Variants in ZSWIM9 observed in about 807,000 individuals in gnomAD.
The protein encoded by ZSWIM9 is zinc finger SWIM-type containing 9.
Under a neutral mutation model 25.0 loss-of-function variants are expected in ZSWIM9, and 11 were observed. The ratio of observed to expected loss-of-function variants is 0.44; its 90% CI spans 0.28 to 0.73. ZSWIM9 has a LOEUF of 0.73. Among genes scored for constraint, ZSWIM9 ranks in the 30% least tolerant of loss-of-function variants. The pLI is 0.16. For missense variants in ZSWIM9, 1,070 were observed against 1,296.5 expected, an observed-to-expected ratio of 0.83 and a Z score of 2.68; for synonymous variants, 562 against 582.1, an observed-to-expected ratio of 0.97 and a Z score of 0.50.
rs2037093844 is a variant in ZSWIM9, at chr19:48,191,456, C to T, written c.589-3197C>T. Among the ~76,000 whole-genome samples the T allele has an allele frequency of 2.0e-5, 3 of 152,176 alleles. No individual in the cohort carries two copies. The South Asian group carries it at 6.2e-4, about 32-fold the overall frequency. ...CTGACCTCAGGTGATCCACCTGCCT[C>T]GGCTTCCCAAAGTGCTGGGATTACA... On this transcript the variant is annotated intron_variant, in intron 3 of 3. Transcript: ENST00000614654.
At chr19:48,192,480 A>AATATATAT (rs1555787871) in intron 3 of ZSWIM9, among the ~76,000 whole-genome samples, 12 of 17,376 alleles carry the variant, frequency 6.9e-4, no homozygotes, top group African/African-American at 1.7e-3. Flanking sequence ...AAAAAAAAAA[A>AATATATAT]ATATATATAT....
chr19:48,182,453 AG>A lies in ZSWIM9; in HGVS notation c.276del. The A allele has an allele frequency of 1.3e-6, 2 of 1,530,236 alleles. No individual in the cohort carries two copies. The highest frequency in any genetic ancestry group is 1.7e-6 in the Non-Finnish European group (2 of 1,143,352). 94.8% of individuals were successfully genotyped at this position (1,530,236 alleles called of 1,614,324 possible). A position where few individuals can be genotyped will look rare whatever the true frequency, so the allele number is the denominator to read the frequency against. On this transcript the variant is annotated splice_acceptor_variant, in intron 2 of 3. Coordinates refer to ENST00000614654, the MANE Select transcript of ZSWIM9 (RefSeq NM_199341.4). LOFTEE classifies it high-confidence loss of function. The surrounding 1 kb of genome is among the most constrained non-coding windows in gnomAD (Gnocchi z 4.6). Reference sequence around the variant, plus strand: ...CCAGGGCGGTGGTGGTTCCTCCCACAGGCCTCCCCAGCCCGGCTGCCCCGCC... The same window carrying A: ...CCAGGGCGGTGGTGGTTCCTCCCACAGCCTCCCCAGCCCGGCTGCCCCGCC...
Position 48,188,200 on chromosome 19 carries a change from C to T in ZSWIM9, c.588+5433C>T, listed in dbSNP as rs556730607. ...ATGATTTAAGGGCAAGACTGGGGGG[C>T]GACTTCACCCAGGGAGGTGTTAATA... On this transcript the variant is annotated intron_variant, in intron 3 of 3. Coordinates refer to ENST00000614654, the MANE Select transcript of ZSWIM9 (RefSeq NM_199341.4). 5.3e-5 allele frequency among the ~76,000 whole-genome samples: 8 copies of T among 151,630 alleles called. No individual in the cohort carries two copies. In the South Asian group the frequency reaches 1.3e-3, roughly 24 times the overall value.
intron 3 of ZSWIM9, among the ~76,000 whole-genome samples, chr19:48,191,086 A>ATGTGTGTGTGTGTG (rs1409972670): frequency 1.4e-5 from 2 of 142,548 alleles, no homozygotes; most frequent in South Asian, 2.2e-4. Context: ...TGCAGTGTGT[A>ATGTGTGTGTGTGTG]TGTGTATGTG....
In ZSWIM9 at chr19:48,194,384, C is replaced by T. The variant is rs62131030; in HGVS notation, c.589-269C>T. Among the ~76,000 whole-genome samples, 3,531 of 152,302 alleles carry T rather than the reference C, an allele frequency of 0.023. 52 individuals are homozygous for T. Among genetic ancestry groups the T allele is most frequent in the Non-Finnish European group, 0.035 (2,381 of 68,032 alleles). ...CAGCTTCCGGCGGAGGAAACTGAGG[C>T]TCAGAGAAGCTAAAAGTGTCATGTG... On this transcript the variant is annotated intron_variant, in intron 3 of 3. Transcript: ENST00000614654. The surrounding 1 kb of genome is among the most constrained non-coding windows in gnomAD (Gnocchi z 6.0).
chr19:48,184,991 TGCA>T (rs1249721579), intron 3 of ZSWIM9, among the ~76,000 whole-genome samples: 2 of 152,188 alleles, frequency 1.3e-5, no homozygotes, highest in African/African-American at 4.8e-5. Context: ...ACCCACCCTC[TGCA>T]GGATTGTCCC....
rs918959659 is a variant in ZSWIM9 at position 48,197,447 on chromosome 19, G to A, written c.*620G>A. ...AAATGTGTGGGAGACGGGTAGAGAC[G>A]AAATGCAAGGGGCGTGGTTTTGGTT... On this transcript the variant is annotated 3_prime_UTR_variant, in exon 4 of 4. Transcript: ENST00000614654. The A allele has an allele frequency of 1.7e-6, 1 of 601,482 alleles. No homozygotes were observed. The highest frequency in any genetic ancestry group is 2.0e-5 in the South Asian group (1 of 50,420). The allele number at this position is 601,482 out of a possible 1,614,324, so 37.3% of individuals were successfully genotyped here.
Position 48,197,571 on chromosome 19 carries a change from T to G in ZSWIM9, c.*744T>G, listed in dbSNP as rs1435214697. 1 of 420,254 alleles carries G rather than the reference T, an allele frequency of 2.4e-6. No homozygotes were observed. The highest frequency in any genetic ancestry group is 4.3e-6 in the Non-Finnish European group (1 of 231,316). 26.0% of individuals were successfully genotyped at this position (420,254 alleles called of 1,614,324 possible). A position where few individuals can be genotyped will look rare whatever the true frequency, so the allele number is the denominator to read the frequency against. ...GAGAGTCTCCAGCAGGGGAGGGGAA[T>G]TGTTTGGACTATTGTTCTTCAGGAT... On this transcript the variant is annotated 3_prime_UTR_variant, in exon 4 of 4. Coordinates refer to ENST00000614654, the MANE Select transcript of ZSWIM9 (RefSeq NM_199341.4).
chr19:48,194,675 A>G lies in ZSWIM9; in HGVS notation c.611A>G (p.Asp204Gly). 6.6e-7 allele frequency: 1 copy of G among 1,511,244 alleles called. No individual in the cohort carries two copies. The highest frequency in any genetic ancestry group is 2.5e-5 in the East Asian group (1 of 39,930). 93.6% of individuals were successfully genotyped at this position (1,511,244 alleles called of 1,614,324 possible). A position where few individuals can be genotyped will look rare whatever the true frequency, so the allele number is the denominator to read the frequency against. The change falls in exon 4 of 4, where the codon GAC becomes GGC. Residue 204 changes from aspartate (D) to glycine (G), a missense_variant. Around this residue, in one of 4 missense-constraint regions of ZSWIM9, gnomAD observed 265 missense variants for 339.0 expected, o/e 0.78. Coordinates refer to ENST00000614654, the MANE Select transcript of ZSWIM9 (RefSeq NM_199341.4). The surrounding 1 kb of genome is among the most constrained non-coding windows in gnomAD (Gnocchi z 6.0). ...EAKVKLVFVEDQAVVETVFFL... is the reference protein window; with the variant it reads ...EAKVKLVFVEGQAVVETVFFL... ...CAGGTGAAGCTGGTGTTCGTGGAGG[A>G]CCAGGCTGTGGTGGAGACGGTGTTC...
At chr19:48,171,249 C>T in intron 1 of ZSWIM9, 1 of 985,358 alleles carries the variant, frequency 1.0e-6, no homozygotes, top group Non-Finnish European at 1.2e-6. Flanking sequence ...GCCACAGGTG[C>T]ATGAAGCATG....
chr19:48,192,498 T>TATATATACACACACAC (rs369454865), intron 3 of ZSWIM9, among the ~76,000 whole-genome samples: 3 of 20,766 alleles, frequency 1.4e-4, no homozygotes, highest in South Asian at 2.9e-3. Flanking sequence ...TATATATATA[T>TATATATACACACACAC]ACACACACAC....
chr19:48,171,684 A>T (rs2036814628), intron 1 of ZSWIM9, 110 bp from the exon 2 acceptor site: 9 of 1,085,668 alleles, frequency 8.3e-6, no homozygotes, highest in Middle Eastern at 3.1e-4. Context: ...CGGGCTACCC[A>T]CCTCGATAGA....
intron 3 of ZSWIM9, among the ~76,000 whole-genome samples, chr19:48,193,586 G>A (rs977888830): frequency 9.9e-5 from 15 of 152,218 alleles, no homozygotes; most frequent in African/African-American, 3.6e-4. Context: ...ATCAGGAAAC[G>A]AAGATATGAC....
intron 2 of ZSWIM9, among the ~76,000 whole-genome samples, chr19:48,172,309 G>A (rs572997031): frequency 6.6e-6 from 1 of 151,610 alleles, no homozygotes; most frequent in East Asian, 1.9e-4. Context: ...GTGTGGGCCC[G>A]ACTTACAGAC....
chr19:48,194,904 G>A lies in ZSWIM9; in HGVS notation c.840G>A (p.Gln280=). The A allele has an allele frequency of 2.3e-6, 3 of 1,309,680 alleles. No individual in the cohort carries two copies. Among genetic ancestry groups the A allele is most frequent in the Non-Finnish European group, 2.9e-6 (3 of 1,032,322 alleles). The allele number at this position is 1,309,680 out of a possible 1,614,324, so 81.1% of individuals were successfully genotyped here. The change falls in exon 4 of 4, where the codon CAG becomes CAA. Residue 280 remains glutamine (Q), a synonymous_variant. Transcript: ENST00000614654. This position sits in a 1 kb window ranked among gnomAD's most constrained non-coding sequence, Gnocchi z 6.0. ...GCTTCGCGCTCGCGTCGCTGCTGCA[G>A]AGCGCGCCAGACGTCAAGGGCCGCG... ...LLRFALASLL[Q]SAPDVKGRVR...
rs2036955969 is a variant in ZSWIM9 at position 48,182,356 on chromosome 19, TG to T, written c.276-98del. On this transcript the variant is annotated intron_variant, in intron 2 of 3. Transcript: ENST00000614654. The surrounding 1 kb of genome is among the most constrained non-coding windows in gnomAD (Gnocchi z 4.6). Reference sequence around the variant, plus strand: ...AGGGCCCTCTACTCTTCTCTATGCCTGAAACAATTCTTAGTTTAAAAAAAAA... The same window carrying T: ...AGGGCCCTCTACTCTTCTCTATGCCTAAACAATTCTTAGTTTAAAAAAAAA... The T allele has an allele frequency of 2.8e-6, 3 of 1,057,766 alleles. No individual in the cohort carries two copies. The highest frequency in any genetic ancestry group is 3.9e-6 in the Non-Finnish European group (3 of 759,660). The allele number at this position is 1,057,766 out of a possible 1,614,324, so 65.5% of individuals were successfully genotyped here.
intron 3 of ZSWIM9, among the ~76,000 whole-genome samples, chr19:48,189,795 T>A (rs138335061): frequency 0.011 from 1,677 of 152,296 alleles, 33 homozygotes; most frequent in African/African-American, 0.038. Context: ...GAATGGAAAC[T>A]GACTGATTAG....
Position 48,196,320 on chromosome 19 carries a change from A to C in ZSWIM9, c.2256A>C (p.Gly752=). The C allele has an allele frequency of 8.1e-7, 1 of 1,233,236 alleles. No homozygotes were observed. The highest frequency in any genetic ancestry group is 1.0e-6 in the Non-Finnish European group (1 of 988,894). 76.4% of individuals were successfully genotyped at this position (1,233,236 alleles called of 1,614,324 possible). A position where few individuals can be genotyped will look rare whatever the true frequency, so the allele number is the denominator to read the frequency against. The change falls in exon 4 of 4, where the codon GGA becomes GGC. Residue 752 remains glycine, a synonymous_variant. Transcript: ENST00000614654. ...KSRAGRGMEW[G]DAGGRCLGLG... ...GAGCCGGACGAGGGATGGAGTGGGG[A>C]GACGCAGGAGGGCGGTGTCTAGGGC...
At chr19:48,187,535 T>TATTATAATA (rs2037038267) in intron 3 of ZSWIM9, 2 of 36,654 alleles carry the variant, frequency 5.5e-5, no homozygotes, top group African/African-American at 1.6e-4. Flanking sequence ...TATTATATTA[T>TATTATAATA]TATTATATTA....
Sources: gnomAD v4.1 joint callset for allele counts (sites outside exome capture counted in the v4.1 genomes callset) on GRCh38, gnomAD v4.1.1 for gene constraint, gnomAD v4.1.1 regional missense constraint, Gnocchi (gnomAD v3.1) non-coding constraint, MANE v1.5 for transcripts, NCBI Gene and HGNC (gene_info 2026-07-23, HGNC 2026-07-21) for gene names.